Variants in ZCWPW2 observed in about 807,000 individuals in gnomAD.
The protein encoded by ZCWPW2 is zinc finger CW-type PWWP domain protein 2.
In ZCWPW2, 45 loss-of-function variants were observed where a neutral mutation model predicts 46.6. The ratio of observed to expected loss-of-function variants is 0.96; its 90% CI spans 0.76 to 1.24. The LOEUF (loss-of-function observed/expected upper bound fraction) is 1.24, where lower values mean the gene tolerates loss of function less well. Ranked by LOEUF, ZCWPW2 falls within the 50% of genes most tolerant of loss-of-function variation. ZCWPW2 has a pLI of 0.00. For missense variants in ZCWPW2, 429 were observed against 403.9 expected (o/e 1.06, Z -0.53); for synonymous variants, 152 against 137.1 (o/e 1.11, Z -0.76).
chr3:28,474,586 C>CGTGTGTGTGTGT lies in ZCWPW2; in HGVS notation c.493-4204_493-4193dup, dbSNP rs71087699. Among the ~76,000 whole-genome samples, 984 of 136,172 alleles carry CGTGTGTGTGTGT rather than the reference C, an allele frequency of 7.2e-3. 8 individuals are homozygous for CGTGTGTGTGTGT. The highest frequency in any genetic ancestry group is 8.5e-3 in the Non-Finnish European group (550 of 64,418). The allele number at this position is 136,172 out of a possible 152,430, so 89.3% of individuals were successfully genotyped here. The stretch of plus-strand genomic sequence containing the variant: ...CCATATTTCTTGCCTTTAAATACAG[C>CGTGTGTGTGTGT]GTGTGTGTGTGTGTGTGTGTGTGTG... On this transcript the variant is annotated intron_variant, in intron 4 of 9. Coordinates refer to ENST00000383768, the MANE Select transcript of ZCWPW2 (RefSeq NM_001040432.4).
chr3:28,467,347 A>G (rs1698862363), intron 4 of ZCWPW2, among the ~76,000 whole-genome samples: 1 of 150,430 alleles, frequency 6.6e-6, no homozygotes, highest in Non-Finnish European at 1.5e-5. Context: ...AAAAATATAT[A>G]AAAATATTAT....
intron 4 of ZCWPW2, among the ~76,000 whole-genome samples, chr3:28,459,744 A>G (rs939503629): frequency 6.6e-6 from 1 of 152,162 alleles, no homozygotes; most frequent in Non-Finnish European, 1.5e-5. Context: ...CAGGTCTATC[A>G]CACTGTATGA....
chr3:28,489,000 G>A (rs997703606), intron 5 of ZCWPW2, among the ~76,000 whole-genome samples: 3 of 152,086 alleles, frequency 2.0e-5, no homozygotes, highest in Non-Finnish European at 2.9e-5. Flanking sequence ...GAAAATCAAC[G>A]TGGTTGTTGA....
At chr3:28,471,828 C>T (rs77511698) in intron 4 of ZCWPW2, among the ~76,000 whole-genome samples, 7,443 of 152,080 alleles carry the variant, frequency 0.049, 236 homozygotes, top group Non-Finnish European at 0.076. Context: ...TTTAGAGAAA[C>T]CTAAAGACTT....
intron 2 of ZCWPW2, 95 bp from the exon 3 acceptor site, chr3:28,412,961 T>A: frequency 1.1e-6 from 1 of 944,234 alleles, no homozygotes; most frequent in Non-Finnish European, 1.5e-6. Context: ...GCATAGAAGA[T>A]ATCAAAGAGG....
At chr3:28,361,506 C>G (rs1225475907) in intron 1 of ZCWPW2, among the ~76,000 whole-genome samples, 5 of 146,806 alleles carry the variant, frequency 3.4e-5, no homozygotes, top group Non-Finnish European at 7.6e-5. Context: ...ACACCAAAAG[C>G]ACAGGAATAA....
At chr3:28,475,713 G>A (rs914447937) in intron 4 of ZCWPW2, among the ~76,000 whole-genome samples, 2 of 152,072 alleles carry the variant, frequency 1.3e-5, no homozygotes, top group Non-Finnish European at 2.9e-5. Context: ...CACATTAGAG[G>A]ATTTTTTTCT....
At chr3:28,413,550 C>A (rs1696495186) in intron 3 of ZCWPW2, 150 bp downstream of exon 3, 1 of 689,042 alleles carries the variant, frequency 1.5e-6, no homozygotes, top group African/African-American at 1.8e-5. Flanking sequence ...GGATTTTTTT[C>A]TAGCTTTTTA....
chr3:28,355,699 A>C (rs1704706653), intron 1 of ZCWPW2, among the ~76,000 whole-genome samples: 1 of 152,338 alleles, frequency 6.6e-6, no homozygotes, highest in Middle Eastern at 3.4e-3. Context: ...AATACCACAC[A>C]TCTACAACCA....
intron 1 of ZCWPW2, among the ~76,000 whole-genome samples, chr3:28,361,035 TTTAGG>T (rs1185592682): frequency 2.0e-5 from 3 of 152,190 alleles, no homozygotes; most frequent in African/African-American, 7.2e-5. Flanking sequence ...AAATTTTGTG[TTTAGG>T]CTTGGGTCCC....
chr3:28,513,973 C>G (rs754599585), intron 6 of ZCWPW2, 91 bp from the exon 7 acceptor site: 6 of 1,011,694 alleles, frequency 5.9e-6, no homozygotes, highest in Non-Finnish European at 6.5e-6. Context: ...TTTCTTCTGA[C>G]CAAATTACTT....
intron 8 of ZCWPW2, among the ~76,000 whole-genome samples, chr3:28,519,527 T>C (rs1700663221): frequency 1.3e-5 from 2 of 152,220 alleles, no homozygotes; most frequent in African/African-American, 2.4e-5. Context: ...ATGATTTTAT[T>C]TAACATTATT....
intron 1 of ZCWPW2, among the ~76,000 whole-genome samples, chr3:28,387,799 A>G (rs1695330436): frequency 6.6e-6 from 1 of 152,324 alleles, no homozygotes; most frequent in African/African-American, 2.4e-5. Context: ...TCTGGAATGT[A>G]ATTTTAGAAT....
At position 28,381,054 on chromosome 3, in the gene ZCWPW2, A is replaced by ATATATATATTTGGTG. The variant is rs1695084811; in HGVS notation, c.-133-9435_-133-9434insTTGGTGTATATATAT. 8.6e-5 allele frequency among the ~76,000 whole-genome samples: 5 copies of ATATATATATTTGGTG among 58,346 alleles called. 2 individuals carry two copies. The highest frequency in any genetic ancestry group is 4.8e-4 in the South Asian group (1 of 2,064). 38.3% of individuals were successfully genotyped at this position (58,346 alleles called of 152,430 possible). A position where few individuals can be genotyped will look rare whatever the true frequency, so the allele number is the denominator to read the frequency against. On this transcript the variant is annotated intron_variant, in intron 1 of 9. Coordinates refer to ENST00000383768, the MANE Select transcript of ZCWPW2 (RefSeq NM_001040432.4). ...ATATATATATATATATTTGGTGTAT[A>ATATATATATTTGGTG]TATATATATATATATATATATATAT...
intron 4 of ZCWPW2, among the ~76,000 whole-genome samples, chr3:28,444,333 C>A (rs1243007335): frequency 1.3e-5 from 2 of 152,110 alleles, no homozygotes; most frequent in Admixed American, 6.6e-5. Context: ...GAGGGTGGCT[C>A]CTGAGGAGAA....
chr3:28,382,781 A>G (rs997483012), intron 1 of ZCWPW2, among the ~76,000 whole-genome samples: 1 of 152,166 alleles, frequency 6.6e-6, no homozygotes, highest in Non-Finnish European at 1.5e-5. Flanking sequence ...TGTCCTAATG[A>G]GTAAAATTAA....
At chr3:28,486,098 T>A (rs933789321) in intron 5 of ZCWPW2, among the ~76,000 whole-genome samples, 13 of 152,332 alleles carry the variant, frequency 8.5e-5, no homozygotes, top group African/African-American at 1.9e-4. Flanking sequence ...TATACTTTTT[T>A]AAAAACTTTT....
chr3:28,447,749 C>T (rs763297399), intron 4 of ZCWPW2: 19 of 661,824 alleles, frequency 2.9e-5, no homozygotes, highest in East Asian at 9.1e-5. Flanking sequence ...GACATACCAT[C>T]GTAGGGTTTC....
At chr3:28,504,975 G>A (rs1325320966) in intron 6 of ZCWPW2, among the ~76,000 whole-genome samples, 1 of 152,108 alleles carries the variant, frequency 6.6e-6, no homozygotes, top group Non-Finnish European at 1.5e-5. Flanking sequence ...GTCAAAGACC[G>A]CTAAAAAATA....
Sources: gnomAD v4.1 joint callset for allele counts (sites outside exome capture counted in the v4.1 genomes callset) on GRCh38, gnomAD v4.1.1 for gene constraint, MANE v1.5 for transcripts, NCBI Gene and HGNC (gene_info 2026-07-23, HGNC 2026-07-21) for gene names.